ZNF503: variants seen among roughly 807,000 people sequenced by gnomAD.
The protein encoded by ZNF503 is NocA-like zinc finger 2.
ZNF503 carries 15 observed loss-of-function variants against 34.4 expected under a neutral mutation model. That is an observed-to-expected ratio of 0.44 (90% CI 0.29 to 0.67). ZNF503 has a LOEUF of 0.67. Ranked by LOEUF, ZNF503 falls within the 30% of genes least tolerant of loss-of-function variation. ZNF503 has a pLI of 0.13. For missense variants in ZNF503, 1,007 were observed against 926.8 expected (o/e 1.09, Z -1.12); for synonymous variants, 580 against 456.8 (o/e 1.27, Z -3.44).
the ZNF503 span, among the ~76,000 whole-genome samples, chr10:75,353,792 G>T: frequency 6.6e-6 from 1 of 152,294 alleles, no homozygotes; most frequent in South Asian, 2.1e-4. Context: ...ATAACCCCTT[G>T]CTACCCCATA....
intron 1 of ZNF503, 65 bp from the exon 2 acceptor site, chr10:75,400,439 C>G (rs927525248): frequency 6.7e-7 from 1 of 1,501,682 alleles, no homozygotes; most frequent in East Asian, 2.3e-5. Context: ...CTTTAGAATC[C>G]TGGCTTCTGG....
the ZNF503 span, among the ~76,000 whole-genome samples, chr10:75,369,796 CG>C: frequency 1.3e-5 from 2 of 151,836 alleles, no homozygotes; most frequent in East Asian, 3.9e-4. Context: ...TCTTGGTGGC[CG>C]GGCTAACACC....
chr10:75,329,459 C>CTT, the ZNF503 span, among the ~76,000 whole-genome samples: 11 of 54,850 alleles, frequency 2.0e-4, no homozygotes, highest in African/African-American at 3.9e-4. Context: ...TTCTTTCTTT[C>CTT]TCTTTCTTTC....
chr10:75,401,316 G>T lies in ZNF503; in HGVS notation c.104C>A (p.Ala35Glu). 1 of 1,548,364 alleles carries T rather than the reference G, an allele frequency of 6.5e-7. No individual in the cohort carries two copies. ...GGGADPAWTS[A>E]LSGNSSGPGP... is the part of the protein sequence containing the mutation. ...GGGGCCGGAGCTATTTCCAGAGAGC[G>T]CGCTGGTCCAGGCAGGGTCTGCACC... The change falls in exon 1 of 2, where the codon GCG (alanine) becomes GAG (glutamate). Residue 35 changes from alanine (A) to glutamate (E), a missense_variant. By Grantham distance (107) the Ala-to-Glu change is moderately radical (BLOSUM62 -1). Transcript: ENST00000372524.
At chr10:75,359,440 G>A in the ZNF503 span, among the ~76,000 whole-genome samples, 2 of 152,228 alleles carry the variant, frequency 1.3e-5, no homozygotes, top group African/African-American at 2.4e-5. Flanking sequence ...AGCCTACAGA[G>A]GAGGCCCACA....
At chr10:75,312,950 T>C in the ZNF503 span, among the ~76,000 whole-genome samples, 3 of 152,096 alleles carry the variant, frequency 2.0e-5, no homozygotes, top group Non-Finnish European at 4.4e-5. Context: ...AATCTGATGG[T>C]TTTATAAATG....
chr10:75,318,308 A>G, the ZNF503 span, among the ~76,000 whole-genome samples: 1 of 152,234 alleles, frequency 6.6e-6, no homozygotes, highest in Non-Finnish European at 1.5e-5. Flanking sequence ...AATAACTGCC[A>G]ACTCAGAATG....
At position 75,401,480 on chromosome 10, in the gene ZNF503, C is replaced by T. The variant is rs1843821346; in HGVS notation, c.-61G>A. ...GGCTCCGGGAGGCGCGGGGCGGGCT[C>T]GGGGCTGCGCGCTCGCCCCGGGAGC... On this transcript the variant is annotated 5_prime_UTR_variant, in exon 1 of 2. Coordinates refer to ENST00000372524, the MANE Select transcript of ZNF503 (RefSeq NM_032772.6). 2.0e-6 allele frequency: 3 copies of T among 1,474,254 alleles called. No homozygotes were observed. The highest frequency in any genetic ancestry group is 2.5e-5 in the Admixed American group (1 of 39,384). The allele number at this position is 1,474,254 out of a possible 1,614,324, so 91.3% of individuals were successfully genotyped here. A position where few individuals can be genotyped will look rare whatever the true frequency, so the allele number is the denominator to read the frequency against.
At chr10:75,370,379 C>A in the ZNF503 span, among the ~76,000 whole-genome samples, 2 of 152,254 alleles carry the variant, frequency 1.3e-5, no homozygotes, top group East Asian at 3.9e-4. Context: ...TCTATTCTGG[C>A]ACACAAATCA....
the ZNF503 span, among the ~76,000 whole-genome samples, chr10:75,299,878 T>C: frequency 2.4e-4 from 37 of 152,062 alleles, no homozygotes; most frequent in Non-Finnish European, 4.4e-5. Flanking sequence ...ACAAGGCAAA[T>C]AGAGGCAGGG....
At chr10:75,376,988 C>G in the ZNF503 span, among the ~76,000 whole-genome samples, 10 of 152,188 alleles carry the variant, frequency 6.6e-5, no homozygotes, top group Non-Finnish European at 1.5e-4. Context: ...CAGAGCCAAA[C>G]TATATCAGGT....
At chr10:75,337,041 T>A in the ZNF503 span, among the ~76,000 whole-genome samples, 1 of 152,330 alleles carries the variant, frequency 6.6e-6, no homozygotes, top group Admixed American at 6.5e-5. Flanking sequence ...TGAAAAATTC[T>A]GGCAGGGTGT....
chr10:75,323,729 G>A, the ZNF503 span, among the ~76,000 whole-genome samples: 3 of 152,004 alleles, frequency 2.0e-5, no homozygotes, highest in African/African-American at 4.8e-5. Flanking sequence ...GGCCAGGCAC[G>A]GTGGCTCATG....
At chr10:75,390,038 A>AC in the ZNF503 span, among the ~76,000 whole-genome samples, 106 of 151,018 alleles carry the variant, frequency 7.0e-4, no homozygotes, top group African/African-American at 2.4e-3. Context: ...GACTACAGGC[A>AC]CCCCCCCACC....
the ZNF503 span, among the ~76,000 whole-genome samples, chr10:75,380,218 CTG>C: frequency 3.3e-5 from 5 of 152,212 alleles, no homozygotes; most frequent in Non-Finnish European, 2.9e-5. Flanking sequence ...CCTGAAATGA[CTG>C]TCTTCATTTC....
At chr10:75,329,043 G>A in the ZNF503 span, among the ~76,000 whole-genome samples, 5 of 151,986 alleles carry the variant, frequency 3.3e-5, no homozygotes, top group South Asian at 2.1e-4. Flanking sequence ...CACCGTGCTC[G>A]GCCTGTCTTT....
chr10:75,394,535 G>A (rs776276551), downstream of ZNF503, among the ~76,000 whole-genome samples: 5 of 152,254 alleles, frequency 3.3e-5, no homozygotes, highest in East Asian at 3.8e-4. Context: ...TGTGCTAACC[G>A]ATTGCGCTGC....
the ZNF503 span, among the ~76,000 whole-genome samples, chr10:75,306,334 A>G: frequency 4.1e-4 from 62 of 152,138 alleles, no homozygotes; most frequent in East Asian, 0.011. Flanking sequence ...GACTATTTAT[A>G]TATCTTTTTT....
At chr10:75,355,289 C>CT in the ZNF503 span, among the ~76,000 whole-genome samples, 1 of 152,150 alleles carries the variant, frequency 6.6e-6, no homozygotes, top group Non-Finnish European at 1.5e-5. Context: ...CCTACAGCAC[C>CT]TTTTTTTCTT....
Sources: gnomAD v4.1 joint callset for allele counts (sites outside exome capture counted in the v4.1 genomes callset) on GRCh38, gnomAD v4.1.1 for gene constraint, MANE v1.5 for transcripts, NCBI Gene and HGNC (gene_info 2026-07-23, HGNC 2026-07-21) for gene names.